The following COG3 variants were observed in gnomAD, a reference collection of about 807,000 sequenced individuals.
COG3 encodes the protein conserved oligomeric Golgi complex subunit 3.
Under a neutral mutation model 114.1 loss-of-function variants are expected in COG3, and 32 were observed. The ratio of observed to expected loss-of-function variants is 0.28; its 90% CI spans 0.21 to 0.38. The LOEUF is 0.38. COG3 is among the 10% of genes least tolerant of loss of function. The probability of loss-of-function intolerance (pLI) is 1.00; values close to 1 mark genes in which losing one functional copy is unlikely to be tolerated. For missense variants in COG3, 813 were observed against 973.2 expected (o/e 0.84, Z 2.19); for synonymous variants, 352 against 365.7 (o/e 0.96, Z 0.43).
intron 13 of COG3, among the ~76,000 whole-genome samples, chr13:45,500,271 T>A (rs1266736395): frequency 6.6e-6 from 1 of 152,160 alleles, no homozygotes; most frequent in Non-Finnish European, 1.5e-5. Flanking sequence ...AGCTATTAAA[T>A]TTTTTAAAAA....
chr13:45,531,767 A>T (rs1175539259), intron 22 of COG3, among the ~76,000 whole-genome samples: 1 of 152,026 alleles, frequency 6.6e-6, no homozygotes, highest in African/African-American at 2.4e-5. Context: ...CAGCTTCCTA[A>T]AGTGCTGGGA....
At chr13:45,505,749 A>AT (rs988596223) in intron 14 of COG3, among the ~76,000 whole-genome samples, 1 of 151,694 alleles carries the variant, frequency 6.6e-6, no homozygotes, top group African/African-American at 2.4e-5. Flanking sequence ...ATGGGCCACC[A>AT]TGCCCAGCCA....
chr13:45,535,163 C>G lies in COG3; in HGVS notation c.*432C>G, dbSNP rs756940430. 1.8e-4 allele frequency: 177 copies of G among 991,130 alleles called. No individual in the cohort carries two copies. Among genetic ancestry groups the G allele is most frequent in the Non-Finnish European group, 2.0e-4 (169 of 833,988 alleles). 61.4% of individuals were successfully genotyped at this position (991,130 alleles called of 1,614,324 possible). On this transcript the variant is annotated 3_prime_UTR_variant, in exon 23 of 23. Coordinates refer to ENST00000349995, the MANE Select transcript of COG3 (RefSeq NM_031431.4). Reference sequence around the variant, plus strand: ...CACTGTAACACTTTTAACCACTGAGCATTCCACAGTGAAATGTTATTTCTA... The same window carrying G: ...CACTGTAACACTTTTAACCACTGAGGATTCCACAGTGAAATGTTATTTCTA...
At chr13:45,493,248 T>C (rs1213974794) in intron 11 of COG3, 99 bp from the exon 12 acceptor site, 15 of 907,140 alleles carry the variant, frequency 1.7e-5, no homozygotes, top group African/African-American at 6.6e-5. Context: ...TAGATACTTA[T>C]TGTTCTTATT....
At chr13:45,533,353 T>C (rs1873335874) in intron 22 of COG3, among the ~76,000 whole-genome samples, 1 of 152,166 alleles carries the variant, frequency 6.6e-6, no homozygotes, top group Admixed American at 6.5e-5. Context: ...ACAGAAAAGG[T>C]GCAAGAATAG....
Position 45,476,186 on chromosome 13 carries a change from C to T in COG3, c.175-15C>T, listed in dbSNP as rs1217698896. 3.1e-6 allele frequency: 5 copies of T among 1,612,576 alleles called. No homozygotes were observed. Among genetic ancestry groups the T allele is most frequent in the South Asian group, 1.1e-5 (1 of 90,912 alleles). ...TCAAGTCACTTAAATATCTTTGTGA[C>T]TCTCTTTTTTCAAGCTTCCAATTGA... On this transcript the variant is annotated splice_polypyrimidine_tract_variant and intron_variant, in intron 1 of 22. Transcript: ENST00000349995.
intron 22 of COG3, chr13:45,531,973 A>C (rs1204984765): frequency 6.6e-6 from 1 of 152,116 alleles, no homozygotes; most frequent in African/African-American, 2.4e-5. Flanking sequence ...TGCAGTCCTC[A>C]CCACTATCTA....
At chr13:45,488,607 C>A (rs1471159334) in intron 8 of COG3, among the ~76,000 whole-genome samples, 1 of 151,946 alleles carries the variant, frequency 6.6e-6, no homozygotes, top group Non-Finnish European at 1.5e-5. Flanking sequence ...ATGCAGTAAT[C>A]CAGGTGAGAT....
chr13:45,509,151 T>C (rs964624532), intron 14 of COG3, among the ~76,000 whole-genome samples: 11 of 152,050 alleles, frequency 7.2e-5, no homozygotes. Context: ...GCGATTTTCC[T>C]GCCTCAGCCT....
intron 8 of COG3, among the ~76,000 whole-genome samples, chr13:45,486,980 G>T (rs917947607): frequency 6.6e-6 from 1 of 152,286 alleles, no homozygotes; most frequent in East Asian, 1.9e-4. Flanking sequence ...GATGTTACAT[G>T]TCGTGCTAAT....
At chr13:45,483,086 A>G (rs1391955101) in intron 6 of COG3, 144 bp from the exon 7 acceptor site, 2 of 548,404 alleles carry the variant, frequency 3.6e-6, no homozygotes, top group African/African-American at 1.9e-5. Flanking sequence ...GTATTTATTC[A>G]TCTTCATGGA....
chr13:45,474,015 C>G (rs1885688948), intron 1 of COG3, among the ~76,000 whole-genome samples: 1 of 152,178 alleles, frequency 6.6e-6, no homozygotes, highest in Non-Finnish European at 1.5e-5. Flanking sequence ...TTACCTACAC[C>G]TAGGACCCTC....
At chr13:45,477,024 A>G (rs566548543) in intron 2 of COG3, among the ~76,000 whole-genome samples, 1 of 152,354 alleles carries the variant, frequency 6.6e-6, no homozygotes, top group East Asian at 1.9e-4. Flanking sequence ...AGTCAGCTCC[A>G]TCATTTAGCA....
chr13:45,467,506 C>T (rs1443777345), intron 1 of COG3, among the ~76,000 whole-genome samples: 1 of 152,206 alleles, frequency 6.6e-6, no homozygotes, highest in Non-Finnish European at 1.5e-5. Context: ...GCATGAGAAT[C>T]ACTTGAACCC....
At chr13:45,490,761 TGTG>T (rs1302123998) in intron 8 of COG3, among the ~76,000 whole-genome samples, 151 bp from the exon 9 acceptor site, 1 of 152,166 alleles carries the variant, frequency 6.6e-6, no homozygotes, top group Admixed American at 6.5e-5. Context: ...ACTGAAATGC[TGTG>T]GTGAATTTTT....
chr13:45,481,556 T>G (rs563614354), intron 5 of COG3, among the ~76,000 whole-genome samples: 29 of 152,332 alleles, frequency 1.9e-4, no homozygotes, highest in African/African-American at 6.3e-4. Flanking sequence ...TCTTATAGTT[T>G]CTTATTTGTA....
At chr13:45,521,451 C>T (rs951857883) in intron 19 of COG3, among the ~76,000 whole-genome samples, 3 of 152,146 alleles carry the variant, frequency 2.0e-5, no homozygotes, top group Non-Finnish European at 4.4e-5. Flanking sequence ...CTGCTGCTCA[C>T]TGAGTTTCTA....
chr13:45,496,365 TTTA>T, intron 13 of COG3, 53 bp downstream of exon 13: 1 of 1,280,638 alleles, frequency 7.8e-7, no homozygotes, highest in Non-Finnish European at 1.0e-6. Flanking sequence ...TTTTAGATGT[TTTA>T]TTTATTATTT....
intron 19 of COG3, among the ~76,000 whole-genome samples, chr13:45,523,344 A>T (rs1243460638): frequency 6.6e-6 from 1 of 152,154 alleles, no homozygotes; most frequent in African/African-American, 2.4e-5. Context: ...ATGGAGTTTG[A>T]TCTGTAAGTT....
Sources: allele counts gnomAD v4.1 joint callset (sites outside exome capture counted in the v4.1 genomes callset), GRCh38; gene constraint gnomAD v4.1.1; transcripts MANE v1.5; gene names NCBI Gene and HGNC (gene_info 2026-07-23, HGNC 2026-07-21).